The following GALR1 variants were observed in gnomAD, a reference collection of about 807,000 sequenced individuals.
GALR1 encodes the protein galanin receptor 1.
In GALR1, 11 loss-of-function variants were observed where a neutral mutation model predicts 17.9. The observed-to-expected ratio is 0.62, with a 90% CI of 0.39 to 1.02. The LOEUF is 1.02. GALR1 is among the 50% of genes least tolerant of loss of function. The pLI is 0.01. For synonymous variants in GALR1, 206 were observed against 205.7 expected (o/e 1.00, Z -0.01); for missense variants, 441 against 456.9 (o/e 0.97, Z 0.32).
intron 2 of GALR1, among the ~76,000 whole-genome samples, chr18:77,256,775 C>T (rs1440822007): frequency 6.6e-5 from 10 of 152,146 alleles, no homozygotes; most frequent in South Asian, 2.1e-4. Flanking sequence ...AGATTCCTCC[C>T]GTTGCTAACT....
rs1225383940 is a variant in GALR1 at position 77,276,231 on chromosome 18, A to G, written c.*7329A>G. 1.3e-5 allele frequency: 2 copies of G among 152,196 alleles called. No homozygotes were observed. Among genetic ancestry groups the G allele is most frequent in the Non-Finnish European group, 2.9e-5 (2 of 68,032 alleles). 9.4% of individuals were successfully genotyped at this position (152,196 alleles called of 1,614,324 possible). On this transcript the variant is annotated 3_prime_UTR_variant, in exon 3 of 3. Transcript: ENST00000299727. Reference sequence around the variant, plus strand: ...TAATCTCTTCAGTTCTATCTGCCTAAGTGAGGAGAGTAGTTGTGGAGCATT... The same window carrying G: ...TAATCTCTTCAGTTCTATCTGCCTAGGTGAGGAGAGTAGTTGTGGAGCATT...
At position 77,271,500 on chromosome 18, in the gene GALR1, G is replaced by A. The variant is rs530212052; in HGVS notation, c.*2598G>A. The stretch of plus-strand genomic sequence containing the variant: ...AATGAAATTAACCAGAGAAGTATAG[G>A]AGTGTGTTGCGTTTGCCAAGCATCT... On this transcript the variant is annotated 3_prime_UTR_variant, in exon 3 of 3. Coordinates refer to ENST00000299727, the MANE Select transcript of GALR1 (RefSeq NM_001480.4). 2.6e-5 allele frequency: 4 copies of A among 152,162 alleles called. No individual in the cohort carries two copies. The highest frequency in any genetic ancestry group is 2.6e-4 in the Admixed American group (4 of 15,276). The allele number at this position is 152,162 out of a possible 1,614,324, so 9.4% of individuals were successfully genotyped here. A position where few individuals can be genotyped will look rare whatever the true frequency, so the allele number is the denominator to read the frequency against.
intron 2 of GALR1, among the ~76,000 whole-genome samples, chr18:77,266,629 A>G (rs1912947872): frequency 6.6e-6 from 1 of 152,276 alleles, no homozygotes; most frequent in South Asian, 2.1e-4. Flanking sequence ...TCACAGTTAC[A>G]CAGGGATGGG....
At chr18:77,260,287 C>A (rs1912801855) in intron 2 of GALR1, among the ~76,000 whole-genome samples, 1 of 152,172 alleles carries the variant, frequency 6.6e-6, no homozygotes, top group Admixed American at 6.5e-5. Flanking sequence ...TGAAAGGCAG[C>A]TCTCTGCGCC....
rs1394400901 is a variant in GALR1 at position 77,277,899 on chromosome 18, A to G, written c.*8997A>G. 1 of 152,240 alleles carries G rather than the reference A, an allele frequency of 6.6e-6. No individual in the cohort carries two copies. The highest frequency in any genetic ancestry group is 1.5e-5 in the Non-Finnish European group (1 of 68,048). The allele number at this position is 152,240 out of a possible 1,614,324, so 9.4% of individuals were successfully genotyped here. A position where few individuals can be genotyped will look rare whatever the true frequency, so the allele number is the denominator to read the frequency against. On this transcript the variant is annotated 3_prime_UTR_variant, in exon 3 of 3. Transcript: ENST00000299727. ...ATTGAAAATAAAATTTGTTCCTCAA[A>G]ATGCTCTAGTTTAAGAGTGTGCTTT...
chr18:77,259,449 CATGGTGGTG>C (rs1193081379), intron 2 of GALR1, among the ~76,000 whole-genome samples: 53 of 59,692 alleles, frequency 8.9e-4, no homozygotes, highest in South Asian at 2.2e-3. Flanking sequence ...TGATGGTGAT[CATGGTGGTG>C]ATGGTGGTGA....
chr18:77,258,540 GTGGTGGTGAT>G (rs1912647489), intron 2 of GALR1, among the ~76,000 whole-genome samples: 2 of 103,158 alleles, frequency 1.9e-5, no homozygotes, highest in African/African-American at 6.6e-5. Flanking sequence ...GGTGGCGATT[GTGGTGGTGAT>G]GGTGGTGGTC....
chr18:77,251,780 C>T (rs1443802512), intron 1 of GALR1, among the ~76,000 whole-genome samples: 3 of 152,222 alleles, frequency 2.0e-5, no homozygotes, highest in Non-Finnish European at 4.4e-5. Context: ...CGGCCCCTCT[C>T]CCCCGGGGTG....
intron 1 of GALR1, 122 bp downstream of exon 1, chr18:77,251,336 C>T: frequency 7.1e-7 from 1 of 1,405,444 alleles, no homozygotes; most frequent in Non-Finnish European, 9.4e-7. Context: ...CGGTGGTCCC[C>T]ACTCTGGCGG....
In GALR1 at chr18:77,262,321, T is replaced by C. The variant is rs540153988; in HGVS notation, c.732+6098T>C. Among the ~76,000 whole-genome samples, 10 of 152,312 alleles carry C rather than the reference T, an allele frequency of 6.6e-5. No individual in the cohort carries two copies. In the South Asian group the frequency reaches 2.1e-3, roughly 32 times the overall value. Reference sequence around the variant, plus strand: ...CACGTGCATTATTTTGCCAGATCTTTAACTTTGAGCGTGTCTATGCTAGGC... The same window carrying C: ...CACGTGCATTATTTTGCCAGATCTTCAACTTTGAGCGTGTCTATGCTAGGC... On this transcript the variant is annotated intron_variant, in intron 2 of 2. Transcript: ENST00000299727.
At chr18:77,260,847 A>G (rs953779379) in intron 2 of GALR1, among the ~76,000 whole-genome samples, 5 of 151,796 alleles carry the variant, frequency 3.3e-5, no homozygotes, top group South Asian at 2.1e-4. Flanking sequence ...AGACACCCAT[A>G]CTGGATGGTT....
chr18:77,254,399 T>C (rs537383535), intron 1 of GALR1, among the ~76,000 whole-genome samples: 21 of 152,342 alleles, frequency 1.4e-4, no homozygotes, highest in African/African-American at 5.1e-4. Flanking sequence ...TTCAACATTC[T>C]TGGGTGTTTT....
chr18:77,268,728 G>T lies in GALR1; in HGVS notation c.876G>T (p.Ala292=). ...TCAGAATCACCGCCCACTGCCTGGC[G>T]TACAGCAATTCCTCCGTGAATCCTA... is the stretch of plus-strand genomic sequence containing the variant. ...FLFRITAHCL[A]YSNSSVNPII... is the part of the protein sequence containing the mutation. Residue 292 remains alanine (A), a synonymous_variant, in exon 3 of 3, where the codon GCG becomes GCT. Coordinates refer to ENST00000299727, the MANE Select transcript of GALR1 (RefSeq NM_001480.4). 6.2e-7 allele frequency: 1 copy of T among 1,614,100 alleles called. No homozygotes were observed. The highest frequency in any genetic ancestry group is 8.5e-7 in the Non-Finnish European group (1 of 1,180,036).
At chr18:77,261,930 C>T (rs1230650151) in intron 2 of GALR1, among the ~76,000 whole-genome samples, 1 of 152,056 alleles carries the variant, frequency 6.6e-6, no homozygotes, top group South Asian at 2.1e-4. Flanking sequence ...CTCAAGAGAT[C>T]CTCCCACCTC....
chr18:77,259,381 G>A (rs62654101), intron 2 of GALR1, among the ~76,000 whole-genome samples: 11,476 of 58,794 alleles, frequency 0.2, 10 homozygotes, highest in South Asian at 0.31. Context: ...AGTGGTGGTG[G>A]TGTTGGTGTT....
At chr18:77,256,597 A>C (rs992202228) in intron 2 of GALR1, among the ~76,000 whole-genome samples, 1 of 152,134 alleles carries the variant, frequency 6.6e-6, no homozygotes, top group African/African-American at 2.4e-5. Flanking sequence ...TATGTTTTCA[A>C]TCTCTGATGT....
At chr18:77,258,842 ATGG>A (rs879011628) in intron 2 of GALR1, among the ~76,000 whole-genome samples, 132 of 4,106 alleles carry the variant, frequency 0.032, 3 homozygotes, top group Middle Eastern at 0.1. Flanking sequence ...GATGGTGGTG[ATGG>A]TGGTGGTGAT....
In GALR1 at chr18:77,252,875, CCACCAT is replaced by C. The variant is rs1568138958; in HGVS notation, c.666+1667_666+1672del. ...CAAAACACCACCACCACCACCACCACCACCATCACCACCACCACCATCACCACCACC... is the reference window on the plus strand; with the variant it reads ...CAAAACACCACCACCACCACCACCACCACCACCACCACCATCACCACCACC... On this transcript the variant is annotated intron_variant, in intron 1 of 2. Transcript: ENST00000299727. Among the ~76,000 whole-genome samples the C allele has an allele frequency of 2.9e-4, 29 of 100,210 alleles. 1 individual carries two copies. The highest frequency in any genetic ancestry group is 1.5e-3 in the East Asian group (5 of 3,312). 65.7% of individuals were successfully genotyped at this position (100,210 alleles called of 152,430 possible). A position where few individuals can be genotyped will look rare whatever the true frequency, so the allele number is the denominator to read the frequency against.
rs569934586 is a variant in GALR1, at chr18:77,271,912, A to T, written c.*3010A>T. The T allele has an allele frequency of 6.6e-6, 1 of 152,148 alleles. No individual in the cohort carries two copies. The highest frequency in any genetic ancestry group is 6.5e-5 in the Admixed American group (1 of 15,268). 9.4% of individuals were successfully genotyped at this position (152,148 alleles called of 1,614,324 possible). On this transcript the variant is annotated 3_prime_UTR_variant, in exon 3 of 3. Coordinates refer to ENST00000299727, the MANE Select transcript of GALR1 (RefSeq NM_001480.4). ...GTGGATGGAAACGTTTTCTTGTCCTATATCCTGGGGATAGGAAACAGATTC... is the reference window on the plus strand; with the variant it reads ...GTGGATGGAAACGTTTTCTTGTCCTTTATCCTGGGGATAGGAAACAGATTC...
Sources: gnomAD v4.1 joint callset for allele counts (sites outside exome capture counted in the v4.1 genomes callset) on GRCh38, gnomAD v4.1.1 for gene constraint, MANE v1.5 for transcripts, NCBI Gene and HGNC (gene_info 2026-07-23, HGNC 2026-07-21) for gene names.